The following SHISA6 variants were observed in gnomAD, a reference collection of about 807,000 sequenced individuals.
The protein encoded by SHISA6 is protein shisa-6.
Under a neutral mutation model 47.9 loss-of-function variants are expected in SHISA6, and 22 were observed. The ratio of observed to expected loss-of-function variants is 0.46; its 90% CI spans 0.33 to 0.66. The LOEUF is 0.66. SHISA6 is among the 30% of genes least tolerant of loss of function. SHISA6 has a pLI of 0.02. For missense variants in SHISA6, 680 were observed against 764.6 expected (o/e 0.89, Z 1.30); for synonymous variants, 388 against 337.8 (o/e 1.15, Z -1.63).
At chr17:11,496,694 G>A (rs944666656) in intron 3 of SHISA6, among the ~76,000 whole-genome samples, 4 of 150,942 alleles carry the variant, frequency 2.7e-5, no homozygotes, top group Non-Finnish European at 5.9e-5. Flanking sequence ...AGCCAAGATC[G>A]CGCCACTGCA....
intron 3 of SHISA6, among the ~76,000 whole-genome samples, chr17:11,465,928 TTCAACTA>T (rs768430389): frequency 1.3e-5 from 2 of 152,180 alleles, no homozygotes; most frequent in Non-Finnish European, 2.9e-5. Context: ...TTGCTCTCAA[TTCAACTA>T]CTAGCAGCAA....
intron 3 of SHISA6, among the ~76,000 whole-genome samples, chr17:11,527,946 T>C (rs907227790): frequency 6.6e-6 from 1 of 152,230 alleles, no homozygotes; most frequent in Non-Finnish European, 1.5e-5. Context: ...TATGATCCAA[T>C]TGCCATATCT....
chr17:11,473,121 T>C (rs541944887), intron 3 of SHISA6, among the ~76,000 whole-genome samples: 2 of 152,210 alleles, frequency 1.3e-5, no homozygotes, highest in African/African-American at 2.4e-5. Flanking sequence ...CATCTTCTCA[T>C]TGTCTTGAAA....
chr17:11,417,523 C>T lies in SHISA6; in HGVS notation c.895+38014C>T, dbSNP rs145567458. ...TCACAGTGGACATTCTCCAGGACAG[C>T]GCTGGCCTTTTGGAGATCGGGGACA... is the stretch of plus-strand genomic sequence containing the variant. On this transcript the variant is annotated intron_variant, in intron 3 of 5. Coordinates refer to ENST00000441885, the MANE Select transcript of SHISA6 (RefSeq NM_207386.4). Among the ~76,000 whole-genome samples the T allele has an allele frequency of 2.5e-3, 387 of 152,300 alleles. 3 individuals carry two copies. Among genetic ancestry groups the T allele is most frequent in the African/African-American group, 9.0e-3 (374 of 41,572 alleles).
chr17:11,434,467 G>A lies in SHISA6; in HGVS notation c.895+54958G>A, dbSNP rs551821925. Among the ~76,000 whole-genome samples the A allele has an allele frequency of 9.7e-4, 147 of 152,242 alleles. 1 individual carries two copies. Among genetic ancestry groups the A allele is most frequent in the African/African-American group, 3.3e-3 (136 of 41,532 alleles). Reference sequence around the variant, plus strand: ...GGAGTGGTGTCTAATACCAGTGCACGCTGTCCTTGGCATGATCTCCCCAGC... The same window carrying A: ...GGAGTGGTGTCTAATACCAGTGCACACTGTCCTTGGCATGATCTCCCCAGC... On this transcript the variant is annotated intron_variant, in intron 3 of 5. Coordinates refer to ENST00000441885, the MANE Select transcript of SHISA6 (RefSeq NM_207386.4).
At chr17:11,444,817 G>C (rs894157752) in intron 3 of SHISA6, among the ~76,000 whole-genome samples, 3 of 152,170 alleles carry the variant, frequency 2.0e-5, no homozygotes, top group African/African-American at 7.2e-5. Context: ...ACAAGATTCA[G>C]ATGGGACTCT....
intron 2 of SHISA6, among the ~76,000 whole-genome samples, chr17:11,291,426 G>A (rs1283810866): frequency 1.3e-5 from 2 of 151,986 alleles, no homozygotes; most frequent in Admixed American, 1.3e-4. Context: ...ATGAGATCAC[G>A]AGATTAAGAC....
chr17:11,246,306 C>A (rs965091585), intron 1 of SHISA6, among the ~76,000 whole-genome samples: 1 of 151,990 alleles, frequency 6.6e-6, no homozygotes, highest in Admixed American at 6.6e-5. Context: ...CTGGCTAACA[C>A]GGTGAAATCC....
In SHISA6 at chr17:11,558,407, C is replaced by A; in HGVS notation, c.*103C>A. 1 of 1,342,034 alleles carries A rather than the reference C, an allele frequency of 7.5e-7. No individual in the cohort carries two copies. The highest frequency in any genetic ancestry group is 1.0e-6 in the Non-Finnish European group (1 of 997,322). 83.1% of individuals were successfully genotyped at this position (1,342,034 alleles called of 1,614,324 possible). On this transcript the variant is annotated 3_prime_UTR_variant, in exon 6 of 6. Coordinates refer to ENST00000441885, the MANE Select transcript of SHISA6 (RefSeq NM_207386.4). The stretch of plus-strand genomic sequence containing the variant: ...GCCTTGCCACTCTCCCTTCCCTTGT[C>A]CCCTCTGTAGGAAGTGGGGGTGGGC...
At chr17:11,480,219 T>G (rs1359621164) in intron 3 of SHISA6, among the ~76,000 whole-genome samples, 2 of 152,206 alleles carry the variant, frequency 1.3e-5, no homozygotes, top group Non-Finnish European at 2.9e-5. Context: ...AATTTTTTCT[T>G]TATCTTTGAC....
chr17:11,383,341 A>G (rs1027362085), intron 3 of SHISA6, among the ~76,000 whole-genome samples: 1 of 152,164 alleles, frequency 6.6e-6, no homozygotes, highest in African/African-American at 2.4e-5. Context: ...GTAAGAATGC[A>G]TATGGATCTG....
intron 2 of SHISA6, among the ~76,000 whole-genome samples, chr17:11,278,705 C>T (rs1279150826): frequency 6.6e-6 from 1 of 152,246 alleles, no homozygotes; most frequent in East Asian, 1.9e-4. Flanking sequence ...TTTATCCCTG[C>T]CCTGCTTCTT....
intron 3 of SHISA6, among the ~76,000 whole-genome samples, chr17:11,488,435 G>A (rs1431062718): frequency 6.6e-6 from 1 of 152,048 alleles, no homozygotes; most frequent in African/African-American, 2.4e-5. Context: ...TCACTATTCT[G>A]CCTACTTATA....
At chr17:11,285,194 A>G (rs1252285381) in intron 2 of SHISA6, among the ~76,000 whole-genome samples, 3 of 152,208 alleles carry the variant, frequency 2.0e-5, no homozygotes, top group African/African-American at 7.2e-5. Flanking sequence ...TGCTTATTCC[A>G]GTTTGATCTG....
intron 3 of SHISA6, among the ~76,000 whole-genome samples, chr17:11,427,448 C>T (rs983352880): frequency 2.0e-5 from 3 of 151,972 alleles, no homozygotes; most frequent in Non-Finnish European, 2.9e-5. Context: ...TCTTTCATAT[C>T]TTTTCCTGTT....
At chr17:11,439,356 C>T (rs1250038579) in intron 3 of SHISA6, among the ~76,000 whole-genome samples, 1 of 152,076 alleles carries the variant, frequency 6.6e-6, no homozygotes, top group Non-Finnish European at 1.5e-5. Context: ...GTCACAGGGG[C>T]CAGCCTTCTG....
rs149856154 is a variant in SHISA6, at chr17:11,526,880, CATATATAT to C, written c.896-24967_896-24960del. Reference sequence around the variant, plus strand: ...CTTGATGCCTCAAGCTATCTATCATCATATATATATATATATATATATATATATATATA... The same window carrying C: ...CTTGATGCCTCAAGCTATCTATCATCATATATATATATATATATATATATA... On this transcript the variant is annotated intron_variant, in intron 3 of 5. Coordinates refer to ENST00000441885, the MANE Select transcript of SHISA6 (RefSeq NM_207386.4). 6.1e-3 allele frequency among the ~76,000 whole-genome samples: 674 copies of C among 109,864 alleles called. 1 individual carries two copies. The highest frequency in any genetic ancestry group is 0.015 in the Middle Eastern group (3 of 202). The allele number at this position is 109,864 out of a possible 152,430, so 72.1% of individuals were successfully genotyped here. A position where few individuals can be genotyped will look rare whatever the true frequency, so the allele number is the denominator to read the frequency against.
At chr17:11,539,073 C>G (rs1386470863) in intron 3 of SHISA6, among the ~76,000 whole-genome samples, 1 of 152,192 alleles carries the variant, frequency 6.6e-6, no homozygotes, top group Non-Finnish European at 1.5e-5. Context: ...CACCAAGTAG[C>G]TGGGACTACA....
At chr17:11,517,122 A>G (rs9899872) in intron 3 of SHISA6, among the ~76,000 whole-genome samples, 2,751 of 152,308 alleles carry the variant, frequency 0.018, 86 homozygotes, top group African/African-American at 0.061. Context: ...GACAGGTCTC[A>G]GTCAATTTAG....
Sources: gnomAD v4.1 joint callset for allele counts (sites outside exome capture counted in the v4.1 genomes callset) on GRCh38, gnomAD v4.1.1 for gene constraint, MANE v1.5 for transcripts, NCBI Gene and HGNC (gene_info 2026-07-23, HGNC 2026-07-21) for gene names.